The following VWC2L variants were observed in gnomAD, a reference collection of about 807,000 sequenced individuals.
VWC2L encodes the protein von Willebrand factor C domain-containing protein 2-like.
A neutral mutation model predicts 21.6 loss-of-function variants in VWC2L; 10 were observed. That is an observed-to-expected ratio of 0.46 (90% CI 0.29 to 0.78). The LOEUF is 0.78. Ranked by LOEUF, VWC2L falls within the 30% of genes least tolerant of loss-of-function variation. VWC2L has a pLI of 0.10. For missense variants in VWC2L, 209 were observed against 277.1 expected, an observed-to-expected ratio of 0.75 and a Z score of 1.74; for synonymous variants, 96 against 94.3, an observed-to-expected ratio of 1.02 and a Z score of -0.10.
At chr2:214,484,925 A>C (rs1444040440) in intron 3 of VWC2L, among the ~76,000 whole-genome samples, 1 of 152,164 alleles carries the variant, frequency 6.6e-6, no homozygotes, top group Admixed American at 6.6e-5. Flanking sequence ...GTATTTCCAG[A>C]GCATGGAAAT....
intron 3 of VWC2L, among the ~76,000 whole-genome samples, chr2:214,543,347 T>C (rs1163801863): frequency 2.6e-5 from 4 of 152,156 alleles, no homozygotes; most frequent in Non-Finnish European, 4.4e-5. Flanking sequence ...ACTTATTACG[T>C]ATAGTAACAT....
intron 3 of VWC2L, among the ~76,000 whole-genome samples, chr2:214,546,879 C>T (rs1301956950): frequency 6.6e-6 from 1 of 152,060 alleles, no homozygotes; most frequent in South Asian, 2.1e-4. Context: ...AAGGATGATA[C>T]CCTAATTTTA....
intron 3 of VWC2L, among the ~76,000 whole-genome samples, chr2:214,521,279 A>ATC (rs879703958): frequency 0.056 from 8,260 of 148,278 alleles, 293 homozygotes; most frequent in South Asian, 0.1. Context: ...AAATAAATAA[A>ATC]ACTACCAAGT....
chr2:214,468,558 G>A (rs968452069), intron 3 of VWC2L, among the ~76,000 whole-genome samples: 2 of 151,976 alleles, frequency 1.3e-5, no homozygotes, highest in Admixed American at 1.3e-4. Flanking sequence ...AAAAATATTA[G>A]CTGATTAGAA....
At chr2:214,509,473 A>G (rs1355632416) in intron 3 of VWC2L, among the ~76,000 whole-genome samples, 4 of 152,172 alleles carry the variant, frequency 2.6e-5, no homozygotes, top group Admixed American at 2.6e-4. Context: ...CTTAAAAAAA[A>G]AAAATGTGTT....
At chr2:214,543,225 A>G (rs577232758) in intron 3 of VWC2L, among the ~76,000 whole-genome samples, 1 of 152,340 alleles carries the variant, frequency 6.6e-6, no homozygotes, top group African/African-American at 2.4e-5. Context: ...TGGTTTCATT[A>G]ACACATGTTC....
intron 3 of VWC2L, among the ~76,000 whole-genome samples, chr2:214,444,539 T>A (rs1277325997): frequency 1.3e-5 from 2 of 152,162 alleles, no homozygotes; most frequent in South Asian, 2.1e-4. Context: ...CTATGGGATG[T>A]AACTTTTTAA....
At position 214,506,993 on chromosome 2, in the gene VWC2L, TG is replaced by T. The variant is rs1251538882; in HGVS notation, c.521-68677del. On this transcript the variant is annotated intron_variant, in intron 3 of 3. Transcript: ENST00000312504. ...TTTCTAATTTTTAAAAAATGTTCTA[TG>T]GAAAAAAATGAGCTATTTAATTATT... Among the ~76,000 whole-genome samples the T allele has an allele frequency of 1.7e-4, 26 of 151,988 alleles. No homozygotes were observed. The South Asian group carries it at 4.2e-3, about 24-fold the overall frequency.
chr2:214,461,982 A>T (rs1369938665), intron 3 of VWC2L, among the ~76,000 whole-genome samples: 2 of 152,178 alleles, frequency 1.3e-5, no homozygotes, highest in Non-Finnish European at 2.9e-5. Flanking sequence ...TGGAGTGCTG[A>T]GGACCCTGCT....
At position 214,440,296 on chromosome 2, in the gene VWC2L, T is replaced by G. The variant is rs905525700; in HGVS notation, c.520+3538T>G. ...GAATTGGGGGGATTGACATAGGAAT[T>G]TATTGTTTCTAAAAATATTATTAAG... On this transcript the variant is annotated intron_variant, in intron 3 of 3. Transcript: ENST00000312504. 1.3e-3 allele frequency among the ~76,000 whole-genome samples: 202 copies of G among 152,150 alleles called. 2 individuals carry two copies. Among genetic ancestry groups the G allele is most frequent in the Non-Finnish European group, 1.6e-4 (11 of 67,888 alleles).
intron 3 of VWC2L, among the ~76,000 whole-genome samples, chr2:214,522,203 G>A (rs1261707394): frequency 6.6e-6 from 1 of 151,768 alleles, no homozygotes; most frequent in African/African-American, 2.4e-5. Flanking sequence ...GTGAAACCCC[G>A]TCTCTACTAA....
intron 2 of VWC2L, among the ~76,000 whole-genome samples, chr2:214,419,957 G>A (rs184864824): frequency 1.2e-3 from 184 of 152,282 alleles, no homozygotes; most frequent in African/African-American, 4.3e-3. Flanking sequence ...TACTCGGGAG[G>A]CTGAGGCAGG....
rs375270646 is a variant in VWC2L at position 214,481,813 on chromosome 2, A to G, written c.520+45055A>G. 3.3e-5 allele frequency among the ~76,000 whole-genome samples: 5 copies of G among 152,222 alleles called. No individual in the cohort carries two copies. In the South Asian group the frequency reaches 1.0e-3, roughly 31 times the overall value. On this transcript the variant is annotated intron_variant, in intron 3 of 3. Coordinates refer to ENST00000312504, the MANE Select transcript of VWC2L (RefSeq NM_001080500.4). Reference sequence around the variant, plus strand: ...CCATCAAGTTTGCTCTTTTGAAGACATCACAAATACTTTATTGTATTCTTG... The same window carrying G: ...CCATCAAGTTTGCTCTTTTGAAGACGTCACAAATACTTTATTGTATTCTTG...
chr2:214,453,475 T>C (rs1039844911), intron 3 of VWC2L, among the ~76,000 whole-genome samples: 2 of 152,218 alleles, frequency 1.3e-5, no homozygotes, highest in Non-Finnish European at 2.9e-5. Context: ...ATCTGAAGTT[T>C]AGAATCAGTT....
intron 3 of VWC2L, among the ~76,000 whole-genome samples, chr2:214,478,942 C>T (rs1688563834): frequency 1.3e-5 from 2 of 152,174 alleles, no homozygotes; most frequent in South Asian, 4.1e-4. Flanking sequence ...TCACTTCTGC[C>T]GCCTCATTAG....
At chr2:214,502,540 A>G (rs1235563293) in intron 3 of VWC2L, among the ~76,000 whole-genome samples, 1 of 152,114 alleles carries the variant, frequency 6.6e-6, no homozygotes, top group Non-Finnish European at 1.5e-5. Flanking sequence ...ACTGCACTCC[A>G]GCCTGGGCAA....
intron 3 of VWC2L, among the ~76,000 whole-genome samples, chr2:214,509,777 A>G (rs1040876186): frequency 3.3e-5 from 5 of 152,130 alleles, no homozygotes; most frequent in Non-Finnish European, 2.9e-5. Flanking sequence ...TTTTCTTTCT[A>G]ACAGATAGCT....
chr2:214,546,897 G>A (rs7566531), intron 3 of VWC2L, among the ~76,000 whole-genome samples: 110,542 of 152,046 alleles, frequency 0.73, 40,839 homozygotes, highest in East Asian at 0.83. Context: ...TTAATACTAA[G>A]GACAAAACCT....
intron 2 of VWC2L, among the ~76,000 whole-genome samples, chr2:214,430,774 C>A (rs1479084476): frequency 1.3e-5 from 2 of 152,166 alleles, no homozygotes; most frequent in Non-Finnish European, 2.9e-5. Flanking sequence ...ACTCGTAATG[C>A]AGATAATAAT....
Sources: gnomAD v4.1 joint callset for allele counts (sites outside exome capture counted in the v4.1 genomes callset) on GRCh38, gnomAD v4.1.1 for gene constraint, MANE v1.5 for transcripts, NCBI Gene and HGNC (gene_info 2026-07-23, HGNC 2026-07-21) for gene names.